The following CBARP variants were observed in gnomAD, a reference collection of about 807,000 sequenced individuals.
CBARP encodes the protein CACN subunit beta associated regulatory protein.
In CBARP, 24 loss-of-function variants were observed where a neutral mutation model predicts 36.3. That is an observed-to-expected ratio of 0.66 (90% CI 0.48 to 0.93). The LOEUF (loss-of-function observed/expected upper bound fraction) is 0.93. Ranked by LOEUF, CBARP falls within the 40% of genes least tolerant of loss-of-function variation. The pLI is 0.00. For synonymous variants in CBARP, 586 were observed against 453.2 expected, an observed-to-expected ratio of 1.29 and a Z score of -3.72; for missense variants, 1,146 against 980.4, an observed-to-expected ratio of 1.17 and a Z score of -2.26.
chr19:1,232,993 G>A (rs1053012156), intron 8 of CBARP, among the ~76,000 whole-genome samples: 5 of 152,268 alleles, frequency 3.3e-5, no homozygotes, highest in African/African-American at 1.2e-4. Flanking sequence ...GCCAGCGGGC[G>A]AGGGAGGGGC....
chr19:1,230,933 GGA>G lies in CBARP; in HGVS notation c.1154+166_1154+167del, dbSNP rs779202931. ...CTGCTTCCCTCCTCTGGTCCATGCT[GGA>G]GAGGTGGCCCCAGTGAGTCCGCCTC... On this transcript the variant is annotated intron_variant, in intron 9 of 9. Transcript: ENST00000650044. The G allele has an allele frequency of 3.8e-6, 6 of 1,582,536 alleles. No homozygotes were observed. In the African/African-American group the frequency reaches 6.8e-5, roughly 18 times the overall value.
intron 2 of CBARP, 26 bp downstream of exon 2, chr19:1,235,970 C>T (rs1159199047): frequency 1.1e-5 from 18 of 1,583,628 alleles, no homozygotes; most frequent in Admixed American, 5.1e-5. Context: ...GACCTCCTGC[C>T]CCTCCCACCT....
At position 1,229,284 on chromosome 19, in the gene CBARP, A is replaced by G. The variant is rs2080858161; in HGVS notation, c.2013T>C (p.Ala671=). Residue 671 remains alanine (A), a synonymous_variant, in exon 10 of 10, where the codon GCT becomes GCC. Transcript: ENST00000650044. The surrounding 1 kb of genome is among the most constrained non-coding windows in gnomAD (Gnocchi z 5.1). Reference sequence around the variant, plus strand: ...GCGGAAAGAGTCTCTCGTCGAGGCCAGCCGCCAGCTTGTCCAGCACCGACC... The same window carrying G: ...GCGGAAAGAGTCTCTCGTCGAGGCCGGCCGCCAGCTTGTCCAGCACCGACC... ...PSGSVLDKLA[A]GLDERLFPPR... is the part of the protein sequence containing the mutation. 1.6e-6 allele frequency: 2 copies of G among 1,257,586 alleles called. No individual in the cohort carries two copies. The highest frequency in any genetic ancestry group is 7.6e-5 in the East Asian group (1 of 13,152). 77.9% of individuals were successfully genotyped at this position (1,257,586 alleles called of 1,614,324 possible).
chr19:1,231,887 C>T (rs902305854), intron 8 of CBARP, among the ~76,000 whole-genome samples: 2 of 152,030 alleles, frequency 1.3e-5, no homozygotes, highest in African/African-American at 2.4e-5. Context: ...CCTCTGGCAC[C>T]GATAGTGCCT....
chr19:1,232,594 C>T (rs1008272659), intron 8 of CBARP, among the ~76,000 whole-genome samples: 1 of 152,216 alleles, frequency 6.6e-6, no homozygotes. Flanking sequence ...ACTCCTGCCT[C>T]GAGCCCAGAT....
In CBARP at chr19:1,234,177, G is replaced by A. The variant is rs372344599; in HGVS notation, c.768+14C>T. The A allele has an allele frequency of 6.0e-6, 9 of 1,505,660 alleles. No homozygotes were observed. Among genetic ancestry groups the A allele is most frequent in the African/African-American group, 1.4e-5 (1 of 71,362 alleles). The allele number at this position is 1,505,660 out of a possible 1,614,324, so 93.3% of individuals were successfully genotyped here. On this transcript the variant is annotated intron_variant, in intron 7 of 9. Coordinates refer to ENST00000650044, the MANE Select transcript of CBARP (RefSeq NM_001393918.1). ...CGGCTGTGGACACCATGGGGGACAC[G>A]CAGGGGCCCTCACCGAGGTGCCTTC...
chr19:1,233,747 G>C, intron 7 of CBARP, 111 bp from the exon 8 acceptor site: 1 of 1,053,464 alleles, frequency 9.5e-7, no homozygotes, highest in Non-Finnish European at 1.4e-6. Flanking sequence ...CCATCACTGG[G>C]ACAGAGAGGG....
At chr19:1,234,124 T>C in intron 7 of CBARP, 67 bp downstream of exon 7, 1 of 1,421,538 alleles carries the variant, frequency 7.0e-7, no homozygotes, top group Admixed American at 3.2e-5. Context: ...GGTCCTGGAC[T>C]GGGGACAGGG....
chr19:1,232,965 C>T (rs2080913378), intron 8 of CBARP, among the ~76,000 whole-genome samples: 1 of 152,262 alleles, frequency 6.6e-6, no homozygotes, highest in Non-Finnish European at 1.5e-5. Flanking sequence ...GCCAAGGTCA[C>T]ACAGCAGCTG....
At chr19:1,234,887 A>C in intron 5 of CBARP, 114 bp downstream of exon 5, 4 of 1,500,732 alleles carry the variant, frequency 2.7e-6, no homozygotes, top group Non-Finnish European at 3.6e-6. Context: ...CCACGGTCCC[A>C]GTCCAGGAGC....
Position 1,234,930 on chromosome 19 carries a change from G to C in CBARP, c.455+71C>G. ...TTGGTCCCTGCAGCCTCCGCACCCA[G>C]CTCCTCCCCCGTCCCGGCGGCCAGG... On this transcript the variant is annotated intron_variant, in intron 5 of 9. Transcript: ENST00000650044. 3 of 1,542,270 alleles carry C rather than the reference G, an allele frequency of 1.9e-6. 1 individual carries two copies. In the South Asian group the frequency reaches 3.6e-5, roughly 19 times the overall value.
chr19:1,234,960 C>G, intron 5 of CBARP, 41 bp downstream of exon 5: 2 of 1,577,604 alleles, frequency 1.3e-6, no homozygotes, highest in Non-Finnish European at 8.6e-7. Context: ...GCCAGGACCT[C>G]AGACAGGCCC....
chr19:1,232,018 CCAA>C (rs1487826730), intron 8 of CBARP, among the ~76,000 whole-genome samples: 1 of 152,018 alleles, frequency 6.6e-6, no homozygotes, highest in African/African-American at 2.4e-5. Context: ...CTGGTGGGGG[CCAA>C]CGAGGAGAGG....
At chr19:1,230,930 G>T in intron 9 of CBARP, 171 bp downstream of exon 9, 1 of 1,582,522 alleles carries the variant, frequency 6.3e-7, no homozygotes, top group Non-Finnish European at 8.6e-7. Context: ...TCTGGTCCAT[G>T]CTGGAGAGGT....
intron 1 of CBARP, among the ~76,000 whole-genome samples, chr19:1,237,486 C>T (rs1174817239): frequency 2.0e-5 from 3 of 151,848 alleles, no homozygotes; most frequent in Non-Finnish European, 4.4e-5. Context: ...GTGGGGATGG[C>T]GAGCCAGGGG....
intron 4 of CBARP, 122 bp from the exon 5 acceptor site, chr19:1,235,267 G>A (rs2080951730): frequency 8.5e-7 from 1 of 1,177,028 alleles, no homozygotes. Context: ...CGGGCGGCCG[G>A]GCTGGCGGGG....
rs1444768342 is a variant in CBARP, at chr19:1,229,659, C to G, written c.1638G>C (p.Thr546=). 6.1e-6 allele frequency: 7 copies of G among 1,153,078 alleles called. No homozygotes were observed. In the East Asian group the frequency reaches 7.0e-4, roughly 116 times the overall value. 71.4% of individuals were successfully genotyped at this position (1,153,078 alleles called of 1,614,324 possible). Residue 546 remains threonine (T), a synonymous_variant, in exon 10 of 10, where the codon ACG becomes ACC. Coordinates refer to ENST00000650044, the MANE Select transcript of CBARP (RefSeq NM_001393918.1). This position sits in a 1 kb window ranked among gnomAD's most constrained non-coding sequence, Gnocchi z 5.1. ...PRRDYSIDEK[T]DALFHEFLRH... ...GCAGGAACTCGTGGAACAGCGCGTC[C>G]GTCTTCTCGTCGATGCTGTAGTCGC...
At position 1,229,979 on chromosome 19, in the gene CBARP, G is replaced by T; in HGVS notation, c.1318C>A (p.Leu440Met). Reference protein sequence around the residue: ...AQTSYRDLWSLRASLELHAAA... With the variant: ...AQTSYRDLWSMRASLELHAAA... ...GCATGCAGCTCAAGCGAGGCGCGCA[G>T]GCTCCACAGGTCGCGGTAGCTGGTC... The change falls in exon 10 of 10, where the codon CTG becomes ATG. Residue 440 changes from leucine to methionine, a missense_variant. Transcript: ENST00000650044. The surrounding 1 kb of genome is among the most constrained non-coding windows in gnomAD (Gnocchi z 5.1). 1 of 1,223,928 alleles carries T rather than the reference G, an allele frequency of 8.2e-7. No homozygotes were observed. Among genetic ancestry groups the T allele is most frequent in the Admixed American group, 2.9e-5 (1 of 33,918 alleles). The allele number at this position is 1,223,928 out of a possible 1,614,324, so 75.8% of individuals were successfully genotyped here.
chr19:1,235,406 G>A (rs1198384092), intron 4 of CBARP, 95 bp downstream of exon 4: 3 of 1,329,372 alleles, frequency 2.3e-6, no homozygotes, highest in Non-Finnish European at 2.0e-6. Context: ...GGGGGAGACA[G>A]ACAGACACAG....
Sources: allele counts gnomAD v4.1 joint callset (sites outside exome capture counted in the v4.1 genomes callset), GRCh38; gene constraint gnomAD v4.1.1; non-coding constraint Gnocchi (gnomAD v3.1); transcripts MANE v1.5; gene names NCBI Gene and HGNC (gene_info 2026-07-23, HGNC 2026-07-21).